The following BLK variants were observed in gnomAD, a reference collection of about 807,000 sequenced individuals.
The protein encoded by BLK is tyrosine-protein kinase Blk.
Under a neutral mutation model 61.8 loss-of-function variants are expected in BLK, and 64 were observed. That is an observed-to-expected ratio of 1.03 (90% confidence interval 0.85 to 1.27). The LOEUF (loss-of-function observed/expected upper bound fraction) is 1.27. Among genes scored for constraint, BLK ranks in the 50% most tolerant of loss-of-function variants. The pLI, the probability that BLK is intolerant of heterozygous loss-of-function variation, is 0.00. For synonymous variants in BLK, 351 were observed against 272.0 expected (o/e 1.29, Z -2.86); for missense variants, 853 against 660.5 (o/e 1.29, Z -3.19).
chr8:11,496,673 C>T (rs573163738), intron 1 of BLK, among the ~76,000 whole-genome samples: 1 of 152,298 alleles, frequency 6.6e-6, no homozygotes, highest in East Asian at 1.9e-4. Context: ...CTACCCAGAC[C>T]TGACTCCTCT....
At chr8:11,515,247 G>A (rs973050624) in intron 1 of BLK, among the ~76,000 whole-genome samples, 1 of 152,102 alleles carries the variant, frequency 6.6e-6, no homozygotes, top group Non-Finnish European at 1.5e-5. Flanking sequence ...AGGCGGTCTG[G>A]GCTTACATCC....
chr8:11,557,289 G>T (rs1032111760), intron 9 of BLK, among the ~76,000 whole-genome samples: 3 of 152,208 alleles, frequency 2.0e-5, no homozygotes, highest in Middle Eastern at 3.2e-3. Flanking sequence ...GAGGTCCACG[G>T]CGTGGCCAAG....
intron 6 of BLK, chr8:11,553,478 C>A (rs936550): frequency 0.16 from 63,777 of 392,514 alleles, 5,600 homozygotes; most frequent in South Asian, 0.22. Flanking sequence ...GGCCTCAGAG[C>A]AGCCAGGCAA....
At chr8:11,533,593 GAGGAGGAGGAGA>G (rs1020847748) in intron 1 of BLK, among the ~76,000 whole-genome samples, 4 of 139,008 alleles carry the variant, frequency 2.9e-5, no homozygotes, top group South Asian at 2.6e-4. Context: ...GGAGGAGGAG[GAGGAGGAGGAGA>G]AGGAGGAGGA....
At chr8:11,555,575 C>G in intron 8 of BLK, 91 bp downstream of exon 8, 2 of 1,574,056 alleles carry the variant, frequency 1.3e-6, no homozygotes, top group Non-Finnish European at 1.7e-6. Context: ...AGCGTGTCAT[C>G]CCTCCCCCAG....
intron 1 of BLK, among the ~76,000 whole-genome samples, chr8:11,498,697 T>C (rs1424824399): frequency 6.6e-6 from 1 of 152,178 alleles, no homozygotes; most frequent in Non-Finnish European, 1.5e-5. Context: ...CCTGAGATGA[T>C]AATAGTTTGA....
At chr8:11,545,222 T>C (rs1454900971) in intron 2 of BLK, among the ~76,000 whole-genome samples, 1 of 152,176 alleles carries the variant, frequency 6.6e-6, no homozygotes, top group African/African-American at 2.4e-5. Context: ...TGTTTATTCT[T>C]CTGTCATGAG....
chr8:11,497,346 C>T (rs1014036525), intron 1 of BLK, among the ~76,000 whole-genome samples: 7 of 152,168 alleles, frequency 4.6e-5, no homozygotes, highest in Non-Finnish European at 7.4e-5. Context: ...CCCTGGCGTG[C>T]TCCTGCTTGC....
At chr8:11,511,264 A>G (rs796693345) in intron 1 of BLK, among the ~76,000 whole-genome samples, 23 of 152,246 alleles carry the variant, frequency 1.5e-4, no homozygotes, top group African/African-American at 5.5e-4. Flanking sequence ...GGACACAGGA[A>G]GGGGAACATC....
chr8:11,540,159 TTTTG>T (rs1237871123), intron 1 of BLK, among the ~76,000 whole-genome samples: 1 of 152,150 alleles, frequency 6.6e-6, no homozygotes, highest in African/African-American at 2.4e-5. Context: ...TTAATTACAT[TTTTG>T]TTTTTTATTT....
chr8:11,538,144 G>T (rs909538215), intron 1 of BLK, among the ~76,000 whole-genome samples: 34 of 151,966 alleles, frequency 2.2e-4, no homozygotes, highest in Non-Finnish European at 2.9e-4. Flanking sequence ...GCATGCTCTC[G>T]CTCTCACACA....
At chr8:11,499,262 C>T (rs1037054308) in intron 1 of BLK, among the ~76,000 whole-genome samples, 1 of 152,190 alleles carries the variant, frequency 6.6e-6, no homozygotes, top group African/African-American at 2.4e-5. Context: ...TAGAAGCAAC[C>T]GGCTATGCCA....
rs560738811 is a variant in BLK at position 11,554,679 on chromosome 8, A to T, written c.473-64A>T. Reference sequence around the variant, plus strand: ...TTTCAAAGCTTTAAAATGAGGCCCAAATCCCAGTCCCGTTTTTTGTCTTTG... The same window carrying T: ...TTTCAAAGCTTTAAAATGAGGCCCATATCCCAGTCCCGTTTTTTGTCTTTG... On this transcript the variant is annotated intron_variant, in intron 6 of 12. Transcript: ENST00000259089. 1.2e-3 allele frequency: 1,966 copies of T among 1,594,724 alleles called. 36 individuals are homozygous for T. In the South Asian group the frequency reaches 0.02, roughly 16 times the overall value.
Position 11,561,416 on chromosome 8 carries a change from G to C in BLK, c.1144G>C (p.Ala382Pro). The C allele has an allele frequency of 6.2e-7, 1 of 1,614,036 alleles. No homozygotes were observed. Among genetic ancestry groups the C allele is most frequent in the Non-Finnish European group, 8.5e-7 (1 of 1,179,992 alleles). Residue 382 changes from alanine (A) to proline (P), a missense_variant, in exon 11 of 13, where the codon GCT becomes CCT. Coordinates refer to ENST00000259089, the MANE Select transcript of BLK (RefSeq NM_001715.3). ...CTGCAAAATTGCTGATTTTGGCTTGGCTCGAATCATCGACAGTGAATACAC... is the reference window on the plus strand; with the variant it reads ...CTGCAAAATTGCTGATTTTGGCTTGCCTCGAATCATCGACAGTGAATACAC... ...LCCKIADFGL[A>P]RIIDSEYTAQ... is the part of the protein sequence containing the mutation.
In BLK at chr8:11,522,993, G is replaced by C. The variant is rs571658768; in HGVS notation, c.-1-20231G>C. On this transcript the variant is annotated intron_variant, in intron 1 of 12. Transcript: ENST00000259089. ...CATAAAAAGAGAGAGGAAAAAAAGAGAAGGAAGAAAGTGTACCAAAATATG... is the reference window on the plus strand; with the variant it reads ...CATAAAAAGAGAGAGGAAAAAAAGACAAGGAAGAAAGTGTACCAAAATATG... 2.6e-5 allele frequency among the ~76,000 whole-genome samples: 4 copies of C among 152,236 alleles called. No individual in the cohort carries two copies. In the South Asian group the frequency reaches 6.2e-4, roughly 24 times the overall value.
Position 11,564,588 on chromosome 8 carries a change from A to G in BLK, c.*480A>G, listed in dbSNP as rs908546094. 7 of 416,986 alleles carry G rather than the reference A, an allele frequency of 1.7e-5. No homozygotes were observed. The highest frequency in any genetic ancestry group is 6.9e-4 in the Middle Eastern group (2 of 2,892). 25.8% of individuals were successfully genotyped at this position (416,986 alleles called of 1,614,324 possible). On this transcript the variant is annotated 3_prime_UTR_variant, in exon 13 of 13. Coordinates refer to ENST00000259089, the MANE Select transcript of BLK (RefSeq NM_001715.3). ...TGCGGGGCTTTTCTGCAATAAAGTC[A>G]CGAGCGTTCGAGCTGTTCCGTGTCG...
At chr8:11,533,469 C>T (rs1799976418) in intron 1 of BLK, among the ~76,000 whole-genome samples, 1 of 151,998 alleles carries the variant, frequency 6.6e-6, no homozygotes, top group Non-Finnish European at 1.5e-5. Flanking sequence ...AAGTCGTGAC[C>T]AGATGTGTAT....
At chr8:11,513,162 TGAGCCTTACA>T (rs1041379837) in intron 1 of BLK, among the ~76,000 whole-genome samples, 1 of 152,182 alleles carries the variant, frequency 6.6e-6, no homozygotes, top group Non-Finnish European at 1.5e-5. Flanking sequence ...TCTCTGGCCT[TGAGCCTTACA>T]GAGCATGCTG....
At chr8:11,537,798 A>C (rs1333410686) in intron 1 of BLK, among the ~76,000 whole-genome samples, 2 of 152,240 alleles carry the variant, frequency 1.3e-5, no homozygotes, top group African/African-American at 4.8e-5. Context: ...GCCAAGTGCA[A>C]ATAAGGGGTT....
Sources: gnomAD v4.1 joint callset for allele counts (sites outside exome capture counted in the v4.1 genomes callset) on GRCh38, gnomAD v4.1.1 for gene constraint, MANE v1.5 for transcripts, NCBI Gene and HGNC (gene_info 2026-07-23, HGNC 2026-07-21) for gene names.